CSMD3: variants seen among roughly 807,000 people sequenced by gnomAD.
The protein encoded by CSMD3 is CUB and Sushi multiple domains 3, also known as CUB and sushi domain-containing protein 3.
A neutral mutation model predicts 435.2 loss-of-function variants in CSMD3; 177 were observed. That is an observed-to-expected ratio of 0.41 (90% CI 0.36 to 0.46). CSMD3 has a LOEUF of 0.46. Ranked by LOEUF, CSMD3 falls within the 20% of genes least tolerant of loss-of-function variation. The pLI is 0.34. For missense variants in CSMD3, 4,265 were observed against 4,504.6 expected, an observed-to-expected ratio of 0.95 and a Z score of 1.52; for synonymous variants, 1,656 against 1,520.5, an observed-to-expected ratio of 1.09 and a Z score of -2.07.
At chr8:113,211,864 A>G (rs1461022613) in intron 3 of CSMD3, among the ~76,000 whole-genome samples, 1 of 152,206 alleles carries the variant, frequency 6.6e-6, no homozygotes, top group Non-Finnish European at 1.5e-5. Flanking sequence ...GGTCTAATGT[A>G]TTAGATTTTG....
In CSMD3 at chr8:112,442,657, C is replaced by T. The variant is rs952128287; in HGVS notation, c.5395+29934G>A. On this transcript the variant is annotated intron_variant, in intron 32 of 70. Transcript: ENST00000297405. Reference sequence around the variant, plus strand: ...AAGTAGGGCAAATGATCATCCAGCTCGAGAATCCATTCTCTGAACTCAACT... The same window carrying T: ...AAGTAGGGCAAATGATCATCCAGCTTGAGAATCCATTCTCTGAACTCAACT... Among the ~76,000 whole-genome samples, 3 of 152,220 alleles carry T rather than the reference C, an allele frequency of 2.0e-5. 1 individual carries two copies. Among genetic ancestry groups the T allele is most frequent in the Admixed American group, 1.3e-4 (2 of 15,296 alleles).
intron 5 of CSMD3, among the ~76,000 whole-genome samples, chr8:113,019,887 G>A (rs1402929771): frequency 6.6e-6 from 1 of 151,982 alleles, no homozygotes; most frequent in Admixed American, 6.6e-5. Context: ...ATTCTGGCCG[G>A]GCGCGGTGGC....
chr8:113,426,866 G>A (rs990327007), intron 1 of CSMD3, among the ~76,000 whole-genome samples: 2 of 151,442 alleles, frequency 1.3e-5, no homozygotes, highest in African/African-American at 4.8e-5. Flanking sequence ...GAGACAAATC[G>A]TAAATGTACC....
intron 59 of CSMD3, among the ~76,000 whole-genome samples, chr8:112,278,687 T>C (rs1818325049): frequency 6.6e-6 from 1 of 152,160 alleles, no homozygotes; most frequent in Non-Finnish European, 1.5e-5. Context: ...CACCATGTGG[T>C]GTCCTCCAGT....
intron 3 of CSMD3, among the ~76,000 whole-genome samples, chr8:113,179,264 ATAT>A (rs548278088): frequency 1.5e-4 from 23 of 151,874 alleles, no homozygotes; most frequent in African/African-American, 4.3e-4. Flanking sequence ...TATGAGACAA[ATAT>A]TATTAACTCA....
chr8:112,574,839 A>G (rs10102131), intron 23 of CSMD3, among the ~76,000 whole-genome samples: 61,142 of 151,608 alleles, frequency 0.4, 13,210 homozygotes, highest in East Asian at 0.58. Flanking sequence ...GAAGTTACTG[A>G]TCTCTTAGCT....
At chr8:113,088,638 CT>C (rs2089891511) in intron 5 of CSMD3, among the ~76,000 whole-genome samples, 1 of 146,408 alleles carries the variant, frequency 6.8e-6, no homozygotes, top group African/African-American at 2.5e-5. Context: ...CATGTTCTCA[CT>C]CATAGGTGGG....
At chr8:112,340,951 AT>A (rs1387116338) in intron 42 of CSMD3, among the ~76,000 whole-genome samples, 2 of 152,108 alleles carry the variant, frequency 1.3e-5, no homozygotes, top group African/African-American at 4.8e-5. Context: ...AGAGATAAAA[AT>A]CTTGCTCAAG....
intron 22 of CSMD3, 48 bp from the exon 23 acceptor site, chr8:112,587,283 T>G: frequency 7.3e-7 from 1 of 1,377,726 alleles, no homozygotes; most frequent in South Asian, 1.2e-5. Flanking sequence ...GATAGCAGTA[T>G]CATTTTCAAG....
intron 36 of CSMD3, among the ~76,000 whole-genome samples, chr8:112,390,051 C>T (rs957811846): frequency 1.3e-5 from 2 of 152,150 alleles, no homozygotes; most frequent in African/African-American, 4.8e-5. Flanking sequence ...TTATTGCTTA[C>T]TCCTGATACG....
At chr8:112,682,724 G>T (rs1327134730) in intron 15 of CSMD3, 88 bp from the exon 16 acceptor site, 3 of 904,496 alleles carry the variant, frequency 3.3e-6, no homozygotes, top group Admixed American at 3.7e-5. Context: ...GAGAGAGAGA[G>T]AAAGAGATAT....
At chr8:112,352,921 C>T (rs1006375627) in intron 38 of CSMD3, among the ~76,000 whole-genome samples, 18 of 151,340 alleles carry the variant, frequency 1.2e-4, no homozygotes, top group Admixed American at 1.1e-3. Context: ...TAAAAACATT[C>T]TTAGCAAAAA....
rs1252689227 is a variant in CSMD3, at chr8:113,379,786, G to A, written c.178+56891C>T. 7.9e-5 allele frequency among the ~76,000 whole-genome samples: 12 copies of A among 152,222 alleles called. No individual in the cohort carries two copies. In the East Asian group the frequency reaches 2.3e-3, roughly 29 times the overall value. On this transcript the variant is annotated intron_variant, in intron 1 of 70. Coordinates refer to ENST00000297405, the MANE Select transcript of CSMD3 (RefSeq NM_198123.2). ...TTATAGCTACAAAACAGAAAACAAT[G>A]ACTATATTTCAGTAGCCTTATATAT...
At chr8:112,339,030 C>G (rs1824842038) in intron 42 of CSMD3, among the ~76,000 whole-genome samples, 1 of 151,942 alleles carries the variant, frequency 6.6e-6, no homozygotes, top group South Asian at 2.1e-4. Flanking sequence ...CTGTCTAACA[C>G]CAACTTCCTC....
intron 13 of CSMD3, among the ~76,000 whole-genome samples, chr8:112,758,361 A>G (rs1022960494): frequency 1.3e-5 from 2 of 151,984 alleles, no homozygotes; most frequent in South Asian, 2.1e-4. Context: ...CAAAAAAAAA[A>G]AATTTAAAAA....
chr8:112,832,304 A>G (rs554320377), intron 11 of CSMD3, among the ~76,000 whole-genome samples: 2 of 152,272 alleles, frequency 1.3e-5, no homozygotes, highest in Non-Finnish European at 2.9e-5. Context: ...ACCTATGAAA[A>G]TGACGGATTA....
intron 23 of CSMD3, among the ~76,000 whole-genome samples, chr8:112,577,904 C>T (rs1391503350): frequency 1.3e-5 from 2 of 151,982 alleles, no homozygotes; most frequent in Admixed American, 6.6e-5. Context: ...GTGTTAACAT[C>T]AATCCAAGAG....
chr8:112,945,045 G>A (rs1339390521), intron 9 of CSMD3, among the ~76,000 whole-genome samples: 1 of 151,470 alleles, frequency 6.6e-6, no homozygotes, highest in Non-Finnish European at 1.5e-5. Context: ...CTTCTAAAAT[G>A]TACAACTTCA....
At chr8:113,052,481 C>T (rs1027489665) in intron 5 of CSMD3, among the ~76,000 whole-genome samples, 1 of 152,090 alleles carries the variant, frequency 6.6e-6, no homozygotes, top group Non-Finnish European at 1.5e-5. Flanking sequence ...AGTTATTAAT[C>T]AAGATAATAG....
Sources: allele counts gnomAD v4.1 joint callset (sites outside exome capture counted in the v4.1 genomes callset), GRCh38; gene constraint gnomAD v4.1.1; transcripts MANE v1.5; gene names NCBI Gene and HGNC (gene_info 2026-07-23, HGNC 2026-07-21).